The following DSCAML1 variants were observed in gnomAD, a reference collection of about 807,000 sequenced individuals.
DSCAML1 encodes the protein DS cell adhesion molecule like 1.
Under a neutral mutation model 200.5 loss-of-function variants are expected in DSCAML1, and 38 were observed. That is an observed-to-expected ratio of 0.19 (90% CI 0.15 to 0.25). DSCAML1 has a LOEUF of 0.25. Ranked by LOEUF, DSCAML1 falls within the 10% of genes least tolerant of loss-of-function variation. DSCAML1 has a pLI of 1.00. For missense variants in DSCAML1, 2,223 were observed against 2,858.8 expected, an observed-to-expected ratio of 0.78 and a Z score of 5.07; for synonymous variants, 1,215 against 1,165.0, an observed-to-expected ratio of 1.04 and a Z score of -0.87.
chr11:117,728,761 C>T (rs916903165), intron 3 of DSCAML1, among the ~76,000 whole-genome samples: 2 of 151,946 alleles, frequency 1.3e-5, no homozygotes, highest in Non-Finnish European at 2.9e-5. Flanking sequence ...CTCTGAAAAC[C>T]ATAAAACATT....
rs1468605132 is a variant in DSCAML1, at chr11:117,437,462, A to T, written c.4433-53T>A. On this transcript the variant is annotated intron_variant, in intron 25 of 32. Coordinates refer to ENST00000651296, the MANE Select transcript of DSCAML1 (RefSeq NM_020693.4). This position sits in a 1 kb window ranked among gnomAD's most constrained non-coding sequence, Gnocchi z 5.3. ...TTAGAGAGATTTGGTGGGAGGCAGG[A>T]CTGGACTGGGCTGGGCTGGAAAGGA... 1.1e-5 allele frequency: 17 copies of T among 1,482,408 alleles called. No homozygotes were observed. The highest frequency in any genetic ancestry group is 1.6e-5 in the Non-Finnish European group (17 of 1,081,084). 91.8% of individuals were successfully genotyped at this position (1,482,408 alleles called of 1,614,324 possible). A position where few individuals can be genotyped will look rare whatever the true frequency, so the allele number is the denominator to read the frequency against.
intron 3 of DSCAML1, among the ~76,000 whole-genome samples, chr11:117,759,887 C>T (rs772499953): frequency 2.3e-4 from 35 of 152,250 alleles, no homozygotes; most frequent in African/African-American, 7.2e-4. Flanking sequence ...TGTATTTATA[C>T]CACTTTTAAT....
intron 3 of DSCAML1, among the ~76,000 whole-genome samples, chr11:117,767,355 T>C (rs576161661): frequency 6.6e-6 from 1 of 152,142 alleles, no homozygotes; most frequent in Admixed American, 6.5e-5. Context: ...AATAAAATGA[T>C]GGAGAAAAGC....
chr11:117,433,355 T>G, intron 28 of DSCAML1, 86 bp downstream of exon 28: 2 of 1,583,324 alleles, frequency 1.3e-6, no homozygotes, highest in South Asian at 2.3e-5. Context: ...TGCCTCCTAT[T>G]CTGGGAGTTC....
chr11:117,749,901 T>C (rs1415878032), intron 3 of DSCAML1, among the ~76,000 whole-genome samples: 7 of 152,136 alleles, frequency 4.6e-5, no homozygotes, highest in Non-Finnish European at 5.9e-5. Context: ...TTCTTAATAA[T>C]AGTGGAAGCC....
At chr11:117,771,035 A>C (rs2055029150) in intron 3 of DSCAML1, among the ~76,000 whole-genome samples, 1 of 152,146 alleles carries the variant, frequency 6.6e-6, no homozygotes, top group South Asian at 2.1e-4. Context: ...GCAGAGGCTG[A>C]ATGACACAGT....
chr11:117,472,950 C>T (rs954209182), intron 14 of DSCAML1, among the ~76,000 whole-genome samples: 2 of 152,110 alleles, frequency 1.3e-5, no homozygotes, highest in Non-Finnish European at 2.9e-5. Flanking sequence ...ACTGTTTTGG[C>T]ACCTTACTTG....
chr11:117,672,279 C>T (rs2053126832), intron 3 of DSCAML1, among the ~76,000 whole-genome samples: 1 of 152,042 alleles, frequency 6.6e-6, no homozygotes, highest in African/African-American at 2.4e-5. Context: ...TGCCCTTGAA[C>T]AGAGGGGCAG....
In DSCAML1 at chr11:117,503,164, T is replaced by G. The variant is rs919634803; in HGVS notation, c.2359+681A>C. On this transcript the variant is annotated intron_variant, in intron 11 of 32. Coordinates refer to ENST00000651296, the MANE Select transcript of DSCAML1 (RefSeq NM_020693.4). The surrounding 1 kb of genome is among the most constrained non-coding windows in gnomAD (Gnocchi z 5.2). Reference sequence around the variant, plus strand: ...CTTCTAGGGCCGTTGAGGCTGGCTCTGGGCAGGGGGATTTAGAAGCCGTGG... The same window carrying G: ...CTTCTAGGGCCGTTGAGGCTGGCTCGGGGCAGGGGGATTTAGAAGCCGTGG... 2.0e-5 allele frequency among the ~76,000 whole-genome samples: 3 copies of G among 152,214 alleles called. No individual in the cohort carries two copies. The highest frequency in any genetic ancestry group is 6.5e-5 in the Admixed American group (1 of 15,278).
At chr11:117,456,671 C>T (rs116534317) in intron 19 of DSCAML1, among the ~76,000 whole-genome samples, 39 of 142,144 alleles carry the variant, frequency 2.7e-4, no homozygotes, top group Middle Eastern at 3.6e-3. Flanking sequence ...GCAGTCATTT[C>T]TTTTTTTTTT....
At chr11:117,494,413 T>C (rs2049251806) in intron 11 of DSCAML1, among the ~76,000 whole-genome samples, 1 of 152,202 alleles carries the variant, frequency 6.6e-6, no homozygotes, top group Non-Finnish European at 1.5e-5. Flanking sequence ...TGAGATTTTG[T>C]GCACAGGAGT....
chr11:117,440,334 C>A (rs577048177), intron 21 of DSCAML1, among the ~76,000 whole-genome samples: 1 of 152,222 alleles, frequency 6.6e-6, no homozygotes, highest in African/African-American at 2.4e-5. Context: ...CATAAGTGGG[C>A]AGTGGAGGCA....
At chr11:117,684,732 G>A (rs1181526705) in intron 3 of DSCAML1, among the ~76,000 whole-genome samples, 1 of 152,238 alleles carries the variant, frequency 6.6e-6, no homozygotes, top group Non-Finnish European at 1.5e-5. Flanking sequence ...AAATTGAAAG[G>A]TGTTTGTGTG....
At position 117,490,070 on chromosome 11, in the gene DSCAML1, C is replaced by T. The variant is rs188030675; in HGVS notation, c.2360-7908G>A. 3.9e-5 allele frequency among the ~76,000 whole-genome samples: 6 copies of T among 152,254 alleles called. No homozygotes were observed. In the East Asian group the frequency reaches 1.2e-3, roughly 29 times the overall value. On this transcript the variant is annotated intron_variant, in intron 11 of 32. Transcript: ENST00000651296. ...TGCGGAAACTCCAGATTTCCTTCTG[C>T]TCGTTGAGATGGGCAGGCACCCCTC...
intron 3 of DSCAML1, among the ~76,000 whole-genome samples, chr11:117,555,803 G>T (rs2137402080): frequency 3.3e-5 from 5 of 152,178 alleles, no homozygotes; most frequent in Admixed American, 3.3e-4. Context: ...GTCATGCTGG[G>T]CCCTACAGAC....
At chr11:117,545,930 G>A (rs2050365337) in intron 3 of DSCAML1, among the ~76,000 whole-genome samples, 2 of 152,242 alleles carry the variant, frequency 1.3e-5, no homozygotes, top group Admixed American at 1.3e-4. Context: ...GCCCATTGCT[G>A]TTTGCTTGTG....
chr11:117,701,290 T>C (rs2053662867), intron 3 of DSCAML1, among the ~76,000 whole-genome samples: 1 of 151,102 alleles, frequency 6.6e-6, no homozygotes, highest in Non-Finnish European at 1.5e-5. Context: ...AATAAATAAA[T>C]AAATAAGGCA....
intron 1 of DSCAML1, among the ~76,000 whole-genome samples, chr11:117,793,639 C>A (rs542535241): frequency 7.9e-4 from 121 of 152,272 alleles, no homozygotes; most frequent in Middle Eastern, 6.8e-3. Flanking sequence ...GGGCCTGCTT[C>A]CCTACCAAGC....
intron 3 of DSCAML1, among the ~76,000 whole-genome samples, chr11:117,740,289 G>C (rs2054398314): frequency 6.6e-6 from 1 of 152,190 alleles, no homozygotes; most frequent in Admixed American, 6.5e-5. Context: ...ACTTGCCACA[G>C]GTTATGCAGC....
Sources: allele counts gnomAD v4.1 joint callset (sites outside exome capture counted in the v4.1 genomes callset), GRCh38; gene constraint gnomAD v4.1.1; non-coding constraint Gnocchi (gnomAD v3.1); transcripts MANE v1.5; gene names NCBI Gene and HGNC (gene_info 2026-07-23, HGNC 2026-07-21).